ABCB1: variants seen among roughly 807,000 people sequenced by gnomAD.
The protein encoded by ABCB1 is ATP-dependent translocase ABCB1.
In ABCB1, 69 loss-of-function variants were observed where a neutral mutation model predicts 142.0. The observed-to-expected ratio is 0.49, with a 90% CI of 0.40 to 0.59. ABCB1 has a LOEUF of 0.59. ABCB1 is among the 20% of genes least tolerant of loss of function. The pLI is 0.00. For missense variants in ABCB1, 1,326 were observed against 1,554.7 expected (o/e 0.85, Z 2.47); for synonymous variants, 532 against 539.2 (o/e 0.99, Z 0.18).
chr7:87,654,914 A>G (rs557111304), intron 1 of ABCB1, among the ~76,000 whole-genome samples: 16 of 152,272 alleles, frequency 1.1e-4, no homozygotes, highest in East Asian at 3.9e-4. Context: ...AAGACATTCA[A>G]ATGGCCAACA....
intron 27 of ABCB1, among the ~76,000 whole-genome samples, chr7:87,504,966 AC>A (rs1307173514): frequency 6.6e-6 from 1 of 151,778 alleles, no homozygotes; most frequent in Non-Finnish European, 1.5e-5. Context: ...TCTATCCCTA[AC>A]TTTTTTTTTT....
chr7:87,630,604 T>TG (rs959962404), intron 1 of ABCB1, among the ~76,000 whole-genome samples: 11 of 151,886 alleles, frequency 7.2e-5, no homozygotes, highest in African/African-American at 2.7e-4. Flanking sequence ...CAGTGCTTCT[T>TG]GGGGGGTAAC....
intron 21 of ABCB1, among the ~76,000 whole-genome samples, chr7:87,530,878 GA>G (rs1816023335): frequency 1.8e-5 from 2 of 111,316 alleles, no homozygotes; most frequent in African/African-American, 6.7e-5. Flanking sequence ...AGAAAGAAAA[GA>G]AAGAAAAAGA....
At chr7:87,670,895 T>C (rs1219391461) in intron 1 of ABCB1, among the ~76,000 whole-genome samples, 3 of 152,214 alleles carry the variant, frequency 2.0e-5, no homozygotes, top group African/African-American at 4.8e-5. Flanking sequence ...AGTGTGAGTT[T>C]CTCTCCCCCT....
intron 3 of ABCB1, among the ~76,000 whole-genome samples, chr7:87,595,391 T>C (rs1053220578): frequency 8.5e-5 from 13 of 152,110 alleles, no homozygotes; most frequent in African/African-American, 3.1e-4. Flanking sequence ...AATCCATTGC[T>C]AACTTTTATT....
chr7:87,631,159 G>C (rs932370775), intron 1 of ABCB1, among the ~76,000 whole-genome samples: 7 of 152,170 alleles, frequency 4.6e-5, no homozygotes, highest in Admixed American at 1.3e-4. Flanking sequence ...AGTTGATGGT[G>C]CATGTAAATT....
At chr7:87,663,720 A>G (rs1236057663) in intron 1 of ABCB1, among the ~76,000 whole-genome samples, 2 of 152,150 alleles carry the variant, frequency 1.3e-5, no homozygotes, top group Non-Finnish European at 2.9e-5. Flanking sequence ...ACTATAACAA[A>G]ATACTACATA....
At chr7:87,657,982 A>G (rs1397907998) in intron 1 of ABCB1, among the ~76,000 whole-genome samples, 2 of 152,178 alleles carry the variant, frequency 1.3e-5, no homozygotes, top group Non-Finnish European at 2.9e-5. Context: ...TCATAACATA[A>G]TATAAATATG....
intron 1 of ABCB1, among the ~76,000 whole-genome samples, chr7:87,635,508 A>G (rs565712522): frequency 6.6e-6 from 1 of 152,340 alleles, no homozygotes; most frequent in Non-Finnish European, 1.5e-5. Context: ...TGCAGCTGTT[A>G]GAAATCTTAG....
At chr7:87,651,300 T>G (rs1823546168) in intron 1 of ABCB1, among the ~76,000 whole-genome samples, 1 of 152,142 alleles carries the variant, frequency 6.6e-6, no homozygotes, top group Non-Finnish European at 1.5e-5. Flanking sequence ...TCTACTTTCT[T>G]AAACTTAGGT....
chr7:87,548,025 AAAGAT>A (rs538657386), intron 14 of ABCB1, among the ~76,000 whole-genome samples: 22 of 149,034 alleles, frequency 1.5e-4, no homozygotes, highest in South Asian at 6.4e-4. Flanking sequence ...CAAGAAAAGA[AAAGAT>A]AAGATAAGAT....
upstream of ABCB1, among the ~76,000 whole-genome samples, chr7:87,604,126 A>G (rs561541976): frequency 1.3e-5 from 2 of 152,222 alleles, no homozygotes; most frequent in South Asian, 4.1e-4. Context: ...AGAAATTAAA[A>G]AGCTGTTCAC....
chr7:87,553,258 AAAAC>A (rs1817158184), intron 9 of ABCB1, among the ~76,000 whole-genome samples: 1 of 152,122 alleles, frequency 6.6e-6, no homozygotes, highest in South Asian at 2.1e-4. Flanking sequence ...GATATCTGCA[AAAAC>A]AAACAAGCAA....
chr7:87,642,906 T>C (rs559926874), intron 1 of ABCB1, among the ~76,000 whole-genome samples: 19 of 152,178 alleles, frequency 1.2e-4, no homozygotes, highest in Non-Finnish European at 2.4e-4. Context: ...TCTGTCTCTT[T>C]ATTTAATTTT....
At chr7:87,613,805 C>T (rs1472121697) in intron 1 of ABCB1, among the ~76,000 whole-genome samples, 1 of 152,086 alleles carries the variant, frequency 6.6e-6, no homozygotes, top group Non-Finnish European at 1.5e-5. Context: ...TACAATATAC[C>T]CATGTAACAA....
At chr7:87,647,354 A>C (rs1823112765) in intron 1 of ABCB1, among the ~76,000 whole-genome samples, 1 of 152,120 alleles carries the variant, frequency 6.6e-6, no homozygotes, top group South Asian at 2.1e-4. Context: ...CCATTTTCTA[A>C]GAAGTGTATG....
chr7:87,605,525 A>G (rs1482750223), upstream of ABCB1, among the ~76,000 whole-genome samples: 1 of 152,222 alleles, frequency 6.6e-6, no homozygotes, highest in East Asian at 1.9e-4. Context: ...ATCTACCATA[A>G]TAGCACAAGA....
At chr7:87,629,888 A>C (rs902027043) in intron 1 of ABCB1, among the ~76,000 whole-genome samples, 14 of 150,792 alleles carry the variant, frequency 9.3e-5, no homozygotes, top group Non-Finnish European at 1.8e-4. Flanking sequence ...ACGTCATTGC[A>C]CTCCAGCCGG....
upstream of ABCB1, among the ~76,000 whole-genome samples, chr7:87,602,754 T>C (rs1399248058): frequency 6.6e-6 from 1 of 152,230 alleles, no homozygotes; most frequent in Non-Finnish European, 1.5e-5. Flanking sequence ...TCTACCATTC[T>C]ATTATATTGT....
Sources: allele counts gnomAD v4.1 joint callset (sites outside exome capture counted in the v4.1 genomes callset), GRCh38; gene constraint gnomAD v4.1.1; transcripts MANE v1.5; gene names NCBI Gene and HGNC (gene_info 2026-07-23, HGNC 2026-07-21).